The following NUGGC variants were observed in gnomAD, a reference collection of about 807,000 sequenced individuals.
The protein encoded by NUGGC is nuclear GTPase SLIP-GC.
Under a neutral mutation model 92.6 loss-of-function variants are expected in NUGGC, and 58 were observed. The ratio of observed to expected loss-of-function variants is 0.63; its 90% CI spans 0.51 to 0.78. NUGGC has a LOEUF of 0.78. Among genes scored for constraint, NUGGC ranks in the 30% least tolerant of loss-of-function variants. NUGGC has a pLI of 0.00. For missense variants in NUGGC, 925 were observed against 964.6 expected (o/e 0.96, Z 0.54); for synonymous variants, 376 against 366.4 (o/e 1.03, Z -0.30).
chr8:28,070,391 T>C, intron 2 of NUGGC, 35 bp from the exon 3 acceptor site: 4 of 1,147,002 alleles, frequency 3.5e-6, no homozygotes, highest in Non-Finnish European at 5.1e-6. Context: ...AGATTATAGG[T>C]GTTGGGGTAT....
At chr8:28,071,978 A>G (rs966685758) in intron 2 of NUGGC, among the ~76,000 whole-genome samples, 1 of 152,216 alleles carries the variant, frequency 6.6e-6, no homozygotes, top group Non-Finnish European at 1.5e-5. Flanking sequence ...CAGAAGGCCC[A>G]GTCTCTGCCT....
intron 18 of NUGGC, among the ~76,000 whole-genome samples, chr8:28,024,608 T>C (rs1306444797): frequency 6.6e-6 from 1 of 152,196 alleles, no homozygotes; most frequent in Non-Finnish European, 1.5e-5. Flanking sequence ...CACTTCAGAC[T>C]GAGCCCTGAA....
At chr8:28,026,565 A>T (rs1056383884) in intron 18 of NUGGC, among the ~76,000 whole-genome samples, 5 of 152,236 alleles carry the variant, frequency 3.3e-5, no homozygotes, top group Non-Finnish European at 1.5e-5. Flanking sequence ...AGAGCTGTGG[A>T]TTTAAATTAG....
At chr8:28,058,542 T>C (rs1186214950) in intron 8 of NUGGC, among the ~76,000 whole-genome samples, 1 of 152,194 alleles carries the variant, frequency 6.6e-6, no homozygotes, top group Non-Finnish European at 1.5e-5. Flanking sequence ...AATGCAGCCC[T>C]CTCACCCTGG....
chr8:28,073,746 G>A (rs1810649373), intron 2 of NUGGC, among the ~76,000 whole-genome samples: 1 of 152,080 alleles, frequency 6.6e-6, no homozygotes. Context: ...GTCATTCCAG[G>A]GGTCTTGTAA....
intron 1 of NUGGC, among the ~76,000 whole-genome samples, chr8:28,082,420 A>G (rs182165096): frequency 0.011 from 1,620 of 152,356 alleles, 16 homozygotes; most frequent in Non-Finnish European, 0.018. Context: ...GTTAAAGCTA[A>G]TGAGGCATAA....
chr8:28,072,885 G>A (rs1011912225), intron 2 of NUGGC, among the ~76,000 whole-genome samples: 1 of 151,628 alleles, frequency 6.6e-6, no homozygotes, highest in Non-Finnish European at 1.5e-5. Flanking sequence ...GGTGGATAGC[G>A]GCAGTCCAAA....
intron 8 of NUGGC, chr8:28,060,164 A>G (rs1810260755): frequency 3.3e-6 from 2 of 602,618 alleles, no homozygotes; most frequent in East Asian, 3.5e-5. Flanking sequence ...CATCTGGTAC[A>G]TGTGAGTGGC....
chr8:28,044,856 G>A (rs1347550352), intron 12 of NUGGC, among the ~76,000 whole-genome samples: 1 of 152,256 alleles, frequency 6.6e-6, no homozygotes, highest in South Asian at 2.1e-4. Flanking sequence ...CAACACAGCT[G>A]GTGACTGACG....
At chr8:28,039,880 G>A (rs1809648922) in intron 13 of NUGGC, among the ~76,000 whole-genome samples, 1 of 152,198 alleles carries the variant, frequency 6.6e-6, no homozygotes, top group African/African-American at 2.4e-5. Context: ...ACTGTGTTTG[G>A]AGACACAGCT....
At position 28,074,367 on chromosome 8, in the gene NUGGC, C is replaced by A. The variant is rs1462972920; in HGVS notation, c.43+1G>T. ...ATCAGAAGATACTGCAAAGATGTTA[C>A]CTGGATGCGGTTCCTGGCCAAAAAC... is the stretch of plus-strand genomic sequence containing the variant. On this transcript the variant is annotated splice_donor_variant, in intron 2 of 18. Coordinates refer to ENST00000413272, the MANE Select transcript of NUGGC (RefSeq NM_001010906.2). LOFTEE classifies it high-confidence loss of function. 2.5e-6 allele frequency: 4 copies of A among 1,609,224 alleles called. No homozygotes were observed. The highest frequency in any genetic ancestry group is 3.4e-6 in the Non-Finnish European group (4 of 1,175,836).
At chr8:28,034,394 A>AT (rs1040915263) in intron 13 of NUGGC, among the ~76,000 whole-genome samples, 6 of 152,234 alleles carry the variant, frequency 3.9e-5, no homozygotes, top group African/African-American at 1.2e-4. Context: ...GAGCTCTGTG[A>AT]TTTTTTAATC....
chr8:28,060,248 A>T lies in NUGGC; in HGVS notation c.1097+178T>A, dbSNP rs1346324388. On this transcript the variant is annotated intron_variant, in intron 8 of 18. Coordinates refer to ENST00000413272, the MANE Select transcript of NUGGC (RefSeq NM_001010906.2). ...CTGGAAGGTTCAGATTCCTAAGACA[A>T]CCCAACCAAGGGTCCTGATGTCCCA... The T allele has an allele frequency of 1.1e-5, 8 of 723,406 alleles. No individual in the cohort carries two copies. The Admixed American group carries it at 1.6e-4, about 15-fold the overall frequency. The allele number at this position is 723,406 out of a possible 1,614,324, so 44.8% of individuals were successfully genotyped here.
At chr8:28,034,688 A>G (rs1161181583) in intron 13 of NUGGC, among the ~76,000 whole-genome samples, 2 of 151,972 alleles carry the variant, frequency 1.3e-5, no homozygotes, top group Non-Finnish European at 2.9e-5. Context: ...ATGGTGGCAC[A>G]TGCCTGTAAT....
chr8:28,068,635 G>A (rs1016155330), intron 4 of NUGGC, among the ~76,000 whole-genome samples, 197 bp from the exon 5 acceptor site: 1 of 152,226 alleles, frequency 6.6e-6, no homozygotes, highest in African/African-American at 2.4e-5. Flanking sequence ...ATGAGATTAT[G>A]TAAAAATATT....
In NUGGC at chr8:28,030,293, T is replaced by C. The variant is rs1466961544; in HGVS notation, c.2017+17A>G. The C allele has an allele frequency of 5.1e-6, 7 of 1,381,294 alleles. No homozygotes were observed. Among genetic ancestry groups the C allele is most frequent in the Non-Finnish European group, 7.1e-6 (7 of 989,098 alleles). 85.6% of individuals were successfully genotyped at this position (1,381,294 alleles called of 1,614,324 possible). On this transcript the variant is annotated intron_variant, in intron 16 of 18. Transcript: ENST00000413272. Reference sequence around the variant, plus strand: ...AGTCCCAGAGCAGGCAGAAATGCTGTCCTCCGCAGCCCCCACCTTCGTAAC... The same window carrying C: ...AGTCCCAGAGCAGGCAGAAATGCTGCCCTCCGCAGCCCCCACCTTCGTAAC...
Position 28,031,240 on chromosome 8 carries a change from T to C in NUGGC, c.1908+3A>G, listed in dbSNP as rs1220260219. The C allele has an allele frequency of 2.5e-6, 4 of 1,613,922 alleles. No homozygotes were observed. In the Admixed American group the frequency reaches 6.7e-5, roughly 27 times the overall value. On this transcript the variant is annotated splice_donor_region_variant and intron_variant, in intron 15 of 18. Transcript: ENST00000413272. ...TGCTCTCCTCACTTTATAAGGAACG[T>C]ACCTCCTGGATCAGGAAATTTTTTT...
intron 7 of NUGGC, among the ~76,000 whole-genome samples, chr8:28,063,401 C>G (rs543216095): frequency 4.6e-5 from 7 of 152,238 alleles, no homozygotes; most frequent in Non-Finnish European, 1.0e-4. Context: ...GGCTGTCGCT[C>G]TCTCGGCCGG....
chr8:28,031,851 A>G (rs191655494), intron 14 of NUGGC, among the ~76,000 whole-genome samples: 2 of 152,364 alleles, frequency 1.3e-5, no homozygotes, highest in East Asian at 3.9e-4. Context: ...AGAAATAGGA[A>G]GTGAGAGGTT....
Sources: gnomAD v4.1 joint callset for allele counts (sites outside exome capture counted in the v4.1 genomes callset) on GRCh38, gnomAD v4.1.1 for gene constraint, MANE v1.5 for transcripts, NCBI Gene and HGNC (gene_info 2026-07-23, HGNC 2026-07-21) for gene names.